BMERB1: variants seen among roughly 807,000 people sequenced by gnomAD.
BMERB1 encodes the protein bMERB domain-containing protein 1.
Under a neutral mutation model 23.6 loss-of-function variants are expected in BMERB1, and 12 were observed. The observed-to-expected ratio is 0.51, with a 90% CI of 0.33 to 0.82. BMERB1 has a LOEUF of 0.82. BMERB1 is among the 40% of genes least tolerant of loss of function. BMERB1 has a pLI of 0.03. For missense variants in BMERB1, 247 were observed against 255.4 expected (o/e 0.97, Z 0.22); for synonymous variants, 122 against 96.6 (o/e 1.26, Z -1.54).
At chr16:15,465,349 A>C (rs1435818679) in intron 1 of BMERB1, among the ~76,000 whole-genome samples, 6 of 109,460 alleles carry the variant, frequency 5.5e-5, no homozygotes, top group African/African-American at 1.9e-4. Flanking sequence ...ATGCTAAGAT[A>C]TATATTTTTT....
chr16:15,462,453 G>A (rs2051144567), intron 1 of BMERB1, among the ~76,000 whole-genome samples: 1 of 151,994 alleles, frequency 6.6e-6, no homozygotes, highest in South Asian at 2.1e-4. Flanking sequence ...CACCTGGCCT[G>A]CATTTTTATT....
At chr16:15,557,043 C>T (rs752458902) in intron 2 of BMERB1, among the ~76,000 whole-genome samples, 7 of 152,178 alleles carry the variant, frequency 4.6e-5, no homozygotes, top group Non-Finnish European at 8.8e-5. Flanking sequence ...CATTAGGCTG[C>T]AACTCAAGCT....
intron 1 of BMERB1, among the ~76,000 whole-genome samples, chr16:15,450,097 G>T (rs2150923784): frequency 6.6e-6 from 1 of 152,036 alleles, no homozygotes; most frequent in South Asian, 2.1e-4. Flanking sequence ...TTTAGGGTGT[G>T]CAGGTCATAT....
intron 1 of BMERB1, among the ~76,000 whole-genome samples, chr16:15,490,790 G>T (rs2051413249): frequency 6.6e-6 from 1 of 152,240 alleles, no homozygotes; most frequent in African/African-American, 2.4e-5. Flanking sequence ...AAGAAGTGAA[G>T]TTCATCTGCA....
intron 1 of BMERB1, among the ~76,000 whole-genome samples, chr16:15,493,414 T>C (rs375250038): frequency 3.3e-5 from 5 of 152,132 alleles, no homozygotes; most frequent in Non-Finnish European, 7.4e-5. Context: ...AAAAAGAACA[T>C]TGGCGGAAAA....
In BMERB1 at chr16:15,519,717, G is replaced by C. The variant is rs537981248; in HGVS notation, c.230+4289G>C. ...CTCTTTTAAGCATGAGTCCGGGGGGGACTGCCTGCCCCAGCCCCAAAGCTC... is the reference window on the plus strand; with the variant it reads ...CTCTTTTAAGCATGAGTCCGGGGGGCACTGCCTGCCCCAGCCCCAAAGCTC... On this transcript the variant is annotated intron_variant, in intron 2 of 5. Coordinates refer to ENST00000300006, the MANE Select transcript of BMERB1 (RefSeq NM_033201.3). Among the ~76,000 whole-genome samples, 79 of 152,216 alleles carry C rather than the reference G, an allele frequency of 5.2e-4. No individual in the cohort carries two copies. The Middle Eastern group carries it at 0.014, about 26-fold the overall frequency.
At chr16:15,484,131 C>A (rs1473894320) in intron 1 of BMERB1, among the ~76,000 whole-genome samples, 1 of 152,180 alleles carries the variant, frequency 6.6e-6, no homozygotes, top group Non-Finnish European at 1.5e-5. Flanking sequence ...CTCAATCCTG[C>A]AAACATGGCA....
chr16:15,434,699 C>A lies in BMERB1; in HGVS notation c.46C>A (p.Pro16Thr). Residue 16 changes from proline to threonine, a missense_variant, in exon 1 of 6, where the codon CCT becomes ACT. Physicochemically the swap from Pro to Thr is conservative, Grantham distance 38. Transcript: ENST00000300006. The part of the protein sequence containing the change: ...SLSTHLEAEK[P>T]LRRYGAVEET... ...GTCCACCCATCTGGAAGCCGAGAAG[C>A]CTCTGAGGCGCTATGGGGCGGTGGA... The A allele has an allele frequency of 6.2e-7, 1 of 1,613,910 alleles. No homozygotes were observed. Among genetic ancestry groups the A allele is most frequent in the Non-Finnish European group, 8.5e-7 (1 of 1,179,902 alleles).
At chr16:15,444,119 C>CTTTTTTTTTT (rs1225982061) in intron 1 of BMERB1, among the ~76,000 whole-genome samples, 10 of 24,452 alleles carry the variant, frequency 4.1e-4, no homozygotes, top group Admixed American at 8.3e-4. Context: ...CAGGCACCAG[C>CTTTTTTTTTT]TTTGTTTTTT....
intron 1 of BMERB1, among the ~76,000 whole-genome samples, chr16:15,445,455 G>C (rs1415793062): frequency 6.6e-6 from 1 of 152,208 alleles, no homozygotes; most frequent in Non-Finnish European, 1.5e-5. Context: ...ATGGAGCAAA[G>C]AGGAGGGGCT....
chr16:15,530,077 C>G (rs1176200340), intron 2 of BMERB1, among the ~76,000 whole-genome samples: 1 of 152,158 alleles, frequency 6.6e-6, no homozygotes, highest in Admixed American at 6.6e-5. Flanking sequence ...TGTTTCCCTC[C>G]TCCATCTCCG....
In BMERB1 at chr16:15,526,771, A is replaced by G. The variant is rs957601986; in HGVS notation, c.230+11343A>G. Among the ~76,000 whole-genome samples the G allele has an allele frequency of 4.6e-5, 7 of 150,850 alleles. No homozygotes were observed. The East Asian group carries it at 9.7e-4, about 21-fold the overall frequency. On this transcript the variant is annotated intron_variant, in intron 2 of 5. Transcript: ENST00000300006. ...TTACCACAAGTTTGTGATAGTGCCT[A>G]CCTCTGAGGGAATGAGAAAAATATG...
chr16:15,566,471 ATAGT>A (rs545645276), intron 2 of BMERB1, among the ~76,000 whole-genome samples: 81 of 152,314 alleles, frequency 5.3e-4, no homozygotes, highest in African/African-American at 1.9e-3. Flanking sequence ...GAATAGGGGA[ATAGT>A]TAAATAAATT....
At chr16:15,505,189 CT>C (rs200435622) in intron 1 of BMERB1, among the ~76,000 whole-genome samples, 7,715 of 152,254 alleles carry the variant, frequency 0.051, 269 homozygotes, top group Non-Finnish European at 0.08. Flanking sequence ...CGTTTAAGAC[CT>C]TTCCAACGCA....
intron 1 of BMERB1, among the ~76,000 whole-genome samples, chr16:15,438,991 G>A (rs1490884524): frequency 6.6e-6 from 1 of 152,180 alleles, no homozygotes; most frequent in African/African-American, 2.4e-5. Context: ...AAGAAGACAT[G>A]CTCTGTTTAA....
chr16:15,445,351 T>C (rs1232402556), intron 1 of BMERB1, among the ~76,000 whole-genome samples: 2 of 152,160 alleles, frequency 1.3e-5, no homozygotes, highest in African/African-American at 4.8e-5. Context: ...TATTATATTA[T>C]TGGCTTTACA....
chr16:15,559,992 G>C (rs951716029), intron 2 of BMERB1, among the ~76,000 whole-genome samples: 1 of 152,102 alleles, frequency 6.6e-6, no homozygotes, highest in African/African-American at 2.4e-5. Context: ...AATTTGTGTT[G>C]GGCTGCCTTC....
chr16:15,578,361 G>A (rs975771060), intron 3 of BMERB1, among the ~76,000 whole-genome samples: 1 of 151,746 alleles, frequency 6.6e-6, no homozygotes, highest in Non-Finnish European at 1.5e-5. Flanking sequence ...ACCATGCTTG[G>A]GTCTCTTTCC....
intron 2 of BMERB1, among the ~76,000 whole-genome samples, chr16:15,563,910 G>A (rs548668967): frequency 2.0e-5 from 3 of 152,252 alleles, no homozygotes; most frequent in East Asian, 1.9e-4. Flanking sequence ...TTTGGGTCAC[G>A]GGGGTGGATC....
Sources: gnomAD v4.1 joint callset for allele counts (sites outside exome capture counted in the v4.1 genomes callset) on GRCh38, gnomAD v4.1.1 for gene constraint, MANE v1.5 for transcripts, NCBI Gene and HGNC (gene_info 2026-07-23, HGNC 2026-07-21) for gene names.